The following TRIO variants were observed in gnomAD, a reference collection of about 807,000 sequenced individuals.
TRIO encodes triple functional domain protein.
Under a neutral mutation model 351.9 loss-of-function variants are expected in TRIO, and 58 were observed. The observed-to-expected ratio is 0.16, with a 90% confidence interval of 0.13 to 0.21. The LOEUF (loss-of-function observed/expected upper bound fraction) is 0.21, where lower values mean the gene tolerates loss of function less well. Among genes scored for constraint, TRIO ranks in the 10% least tolerant of loss-of-function variants. TRIO has a pLI of 1.00. For synonymous variants in TRIO, 1,758 were observed against 1,595.7 expected (o/e 1.10, Z -2.42); for missense variants, 3,201 against 4,027.8 (o/e 0.79, Z 5.56).
At chr5:14,484,283 G>T (rs1053446309) in intron 46 of TRIO, among the ~76,000 whole-genome samples, 1 of 152,188 alleles carries the variant, frequency 6.6e-6, no homozygotes, top group Admixed American at 6.5e-5. Flanking sequence ...AGGTTTTAGT[G>T]ATATTTGAGA....
At chr5:14,250,637 C>T (rs924779733) in intron 1 of TRIO, among the ~76,000 whole-genome samples, 1 of 152,136 alleles carries the variant, frequency 6.6e-6, no homozygotes, top group Non-Finnish European at 1.5e-5. Context: ...TGAGAGCACC[C>T]GAGCCTGTAC....
intron 15 of TRIO, among the ~76,000 whole-genome samples, chr5:14,365,733 A>G (rs1357037438): frequency 6.6e-6 from 1 of 152,230 alleles, no homozygotes; most frequent in Non-Finnish European, 1.5e-5. Flanking sequence ...TCCGCATGTG[A>G]CAAGTCAGAA....
chr5:14,307,516 G>T (rs959658923), intron 8 of TRIO, among the ~76,000 whole-genome samples: 1 of 152,176 alleles, frequency 6.6e-6, no homozygotes, highest in Non-Finnish European at 1.5e-5. Context: ...GCTGACTCAG[G>T]CTGTGCCTTT....
At chr5:14,475,299 A>AG (rs1192271701) in intron 40 of TRIO, among the ~76,000 whole-genome samples, 1 of 152,150 alleles carries the variant, frequency 6.6e-6, no homozygotes, top group African/African-American at 2.4e-5. Flanking sequence ...CCCTCTGCTC[A>AG]GGGTGGAGCA....
rs754707144 is a variant in TRIO at position 14,281,426 on chromosome 5, C to CG, written c.347+990_347+991insG. Among the ~76,000 whole-genome samples the CG allele has an allele frequency of 2.5e-3, 76 of 30,214 alleles. 1 individual carries two copies. The highest frequency in any genetic ancestry group is 3.8e-3 in the African/African-American group (48 of 12,658). 19.8% of individuals were successfully genotyped at this position (30,214 alleles called of 152,430 possible). ...GGAGATGGTGCTAAGCCGTTAGAAC[C>CG]CCCCCCCCCCGCCCCGTGATCCAAT... On this transcript the variant is annotated intron_variant, in intron 3 of 56. Coordinates refer to ENST00000344204, the MANE Select transcript of TRIO (RefSeq NM_007118.4).
intron 8 of TRIO, among the ~76,000 whole-genome samples, chr5:14,311,516 G>A (rs1252232933): frequency 6.6e-6 from 1 of 152,198 alleles, no homozygotes; most frequent in Non-Finnish European, 1.5e-5. Context: ...TGCACTGTTG[G>A]TAGGAGCATC....
Position 14,496,859 on chromosome 5 carries a change from A to G in TRIO, c.7881-20A>G, listed in dbSNP as rs1756928865. On this transcript the variant is annotated intron_variant, in intron 49 of 56. Transcript: ENST00000344204. ...AATGTTGGAAAGGCATAATACCCACAGTGTGTTCATTTCCCCTAGGAAGTC... is the reference window on the plus strand; with the variant it reads ...AATGTTGGAAAGGCATAATACCCACGGTGTGTTCATTTCCCCTAGGAAGTC... 1.4e-5 allele frequency: 23 copies of G among 1,613,300 alleles called. No homozygotes were observed. The highest frequency in any genetic ancestry group is 1.8e-5 in the Non-Finnish European group (21 of 1,179,654).
In TRIO at chr5:14,157,751, ATTTTTGTATCTT is replaced by A. The variant is rs1167832913; in HGVS notation, c.157+13878_157+13889del. Reference sequence around the variant, plus strand: ...GAGCATGTGCCACGACACCCAGCTAATTTTTGTATCTTTTTTTGTAGAGATGGGGTTTCGCCA... The same window carrying A: ...GAGCATGTGCCACGACACCCAGCTAATTTTTGTAGAGATGGGGTTTCGCCA... On this transcript the variant is annotated intron_variant, in intron 1 of 56. Transcript: ENST00000344204. Among the ~76,000 whole-genome samples, 113 of 152,038 alleles carry A rather than the reference ATTTTTGTATCTT, an allele frequency of 7.4e-4. 1 individual carries two copies. The highest frequency in any genetic ancestry group is 2.5e-3 in the South Asian group (12 of 4,798).
intron 1 of TRIO, among the ~76,000 whole-genome samples, chr5:14,189,528 A>G (rs1790332084): frequency 6.6e-6 from 1 of 152,194 alleles, no homozygotes; most frequent in Non-Finnish European, 1.5e-5. Flanking sequence ...GCCTGGGAGA[A>G]TGTGTTGGAT....
At chr5:14,312,358 T>C (rs1739007151) in intron 8 of TRIO, among the ~76,000 whole-genome samples, 1 of 152,254 alleles carries the variant, frequency 6.6e-6, no homozygotes, top group South Asian at 2.1e-4. Flanking sequence ...ATTTTAAACT[T>C]ACCTTTAATT....
chr5:14,421,408 GC>G (rs894731255), intron 34 of TRIO, among the ~76,000 whole-genome samples: 4 of 151,672 alleles, frequency 2.6e-5, no homozygotes, highest in Non-Finnish European at 5.9e-5. Context: ...GTTCGGACCA[GC>G]CTGACCAACA....
At chr5:14,387,665 G>A in intron 22 of TRIO, 33 bp downstream of exon 22, 2 of 1,608,326 alleles carry the variant, frequency 1.2e-6, no homozygotes, top group Middle Eastern at 3.3e-4. Flanking sequence ...AATAAATTAT[G>A]GTCTTCTTCC....
intron 33 of TRIO, among the ~76,000 whole-genome samples, chr5:14,413,272 C>A (rs576326325): frequency 6.6e-6 from 1 of 152,324 alleles, no homozygotes; most frequent in African/African-American, 2.4e-5. Context: ...CTGCAAAATT[C>A]TGTGTGTGGA....
At chr5:14,406,377 G>A (rs1394331826) in intron 32 of TRIO, 196 bp from the exon 33 acceptor site, 1 of 596,040 alleles carries the variant, frequency 1.7e-6, no homozygotes, top group Admixed American at 2.9e-5. Context: ...CCAACAGGAT[G>A]ATATGTTTTA....
intron 9 of TRIO, among the ~76,000 whole-genome samples, chr5:14,327,281 C>T (rs1386980382): frequency 6.6e-6 from 1 of 152,216 alleles, no homozygotes; most frequent in East Asian, 1.9e-4. Context: ...TCTCCTGCCT[C>T]AGCCTCCCAA....
chr5:14,489,080 A>G (rs753379331), intron 48 of TRIO: 2 of 765,154 alleles, frequency 2.6e-6, no homozygotes, highest in Admixed American at 3.4e-5. Context: ...GTGAGTGAAT[A>G]GAACTGTTCT....
chr5:14,416,566 G>T (rs1370501909), intron 33 of TRIO, among the ~76,000 whole-genome samples: 1 of 152,102 alleles, frequency 6.6e-6, no homozygotes, highest in Non-Finnish European at 1.5e-5. Context: ...CTTTAAAAAG[G>T]AATTTTAACT....
intron 34 of TRIO, among the ~76,000 whole-genome samples, chr5:14,441,798 C>T (rs1305152945): frequency 2.6e-5 from 4 of 152,160 alleles, no homozygotes; most frequent in Non-Finnish European, 4.4e-5. Context: ...TAGACTCTGG[C>T]TCTCCATGAG....
chr5:14,181,848 C>G (rs1789788992), intron 1 of TRIO, among the ~76,000 whole-genome samples: 1 of 152,160 alleles, frequency 6.6e-6, no homozygotes, highest in Non-Finnish European at 1.5e-5. Context: ...TTTTGCATCC[C>G]CACTTGCCCT....
Sources: gnomAD v4.1 joint callset for allele counts (sites outside exome capture counted in the v4.1 genomes callset) on GRCh38, gnomAD v4.1.1 for gene constraint, MANE v1.5 for transcripts, NCBI Gene and HGNC (gene_info 2026-07-23, HGNC 2026-07-21) for gene names.